The following VSX2 variants were observed in gnomAD, a reference collection of about 807,000 sequenced individuals.
VSX2 encodes visual system homeobox 2.
Under a neutral mutation model 32.1 loss-of-function variants are expected in VSX2, and 28 were observed. The ratio of observed to expected loss-of-function variants is 0.87; its 90% CI spans 0.65 to 1.20. The LOEUF is 1.20. Among genes scored for constraint, VSX2 ranks in the 50% most tolerant of loss-of-function variants. The pLI, the probability that VSX2 is intolerant of heterozygous loss-of-function variation, is 0.00. For missense variants in VSX2, 506 were observed against 488.7 expected (o/e 1.04, Z -0.33); for synonymous variants, 243 against 214.1 (o/e 1.14, Z -1.18).
At chr14:74,260,054 C>T (rs2079294528) in intron 4 of VSX2, among the ~76,000 whole-genome samples, 1 of 152,172 alleles carries the variant, frequency 6.6e-6, no homozygotes, top group Admixed American at 6.5e-5. Context: ...AACAGTGTGG[C>T]TGTTGGCCTG....
chr14:74,250,144 G>C (rs776186668), intron 3 of VSX2, among the ~76,000 whole-genome samples: 3 of 152,122 alleles, frequency 2.0e-5, no homozygotes, highest in Non-Finnish European at 2.9e-5. Context: ...GGCTGAGGTG[G>C]GAGGATTACT....
intron 2 of VSX2, among the ~76,000 whole-genome samples, chr14:74,242,285 A>G (rs1042896303): frequency 6.6e-6 from 1 of 150,954 alleles, no homozygotes; most frequent in Non-Finnish European, 1.5e-5. Flanking sequence ...CTTTCAAGAC[A>G]TTTCTCCACT....
chr14:74,244,260 T>TG (rs1193119604), intron 2 of VSX2, among the ~76,000 whole-genome samples: 2 of 152,164 alleles, frequency 1.3e-5, no homozygotes, highest in South Asian at 2.1e-4. Flanking sequence ...ACTGCTCTGT[T>TG]GGGGGTGGGG....
chr14:74,239,778 G>C lies in VSX2; in HGVS notation c.217G>C (p.Val73Leu). The C allele has an allele frequency of 1.9e-6, 3 of 1,558,250 alleles. No individual in the cohort carries two copies. The highest frequency in any genetic ancestry group is 2.6e-6 in the Non-Finnish European group (3 of 1,152,094). The stretch of plus-strand genomic sequence containing the variant: ...GCGCTCAGTGCTCAGCCCCGCGGGG[G>C]TGGGCGGCATGGGGCTTCTGGGGCC... The part of the protein sequence containing the change: ...AARSVLSPAG[V>L]GGMGLLGPGG... Residue 73 changes from valine to leucine, a missense_variant, in exon 1 of 5, where the codon GTG becomes CTG. Coordinates refer to ENST00000261980, the MANE Select transcript of VSX2 (RefSeq NM_182894.3).
chr14:74,241,695 C>T (rs2079151467), intron 2 of VSX2, among the ~76,000 whole-genome samples: 1 of 152,244 alleles, frequency 6.6e-6, no homozygotes, highest in Non-Finnish European at 1.5e-5. Flanking sequence ...CTCCCGGGGT[C>T]CCTGTCCTCT....
chr14:74,253,885 G>C (rs796197056), intron 3 of VSX2, among the ~76,000 whole-genome samples: 1 of 152,036 alleles, frequency 6.6e-6, no homozygotes, highest in East Asian at 1.9e-4. Context: ...AGCTGAGATC[G>C]CGCCATTGCA....
At chr14:74,251,876 C>A (rs996162513) in intron 3 of VSX2, among the ~76,000 whole-genome samples, 1 of 152,162 alleles carries the variant, frequency 6.6e-6, no homozygotes, top group Non-Finnish European at 1.5e-5. Flanking sequence ...CAGCTTCCAG[C>A]CAGAGGGGAA....
intron 3 of VSX2, among the ~76,000 whole-genome samples, chr14:74,254,780 G>A (rs1214515066): frequency 1.2e-5 from 1 of 82,832 alleles, no homozygotes; most frequent in Non-Finnish European, 2.2e-5. Flanking sequence ...ACCCCGAAAA[G>A]TGGATTTTTT....
rs190437121 is a variant in VSX2 at position 74,244,847 on chromosome 14, G to A, written c.456-318G>A. On this transcript the variant is annotated intron_variant, in intron 2 of 4. Coordinates refer to ENST00000261980, the MANE Select transcript of VSX2 (RefSeq NM_182894.3). Reference sequence around the variant, plus strand: ...CCTCAGCCTTGAGGAAGAAGAGTCCGGAGGGTTAAACTATGAGACAGAGAG... The same window carrying A: ...CCTCAGCCTTGAGGAAGAAGAGTCCAGAGGGTTAAACTATGAGACAGAGAG... Among the ~76,000 whole-genome samples the A allele has an allele frequency of 2.4e-4, 33 of 138,964 alleles. No individual in the cohort carries two copies. The East Asian group carries it at 2.6e-3, about 11-fold the overall frequency. 91.2% of individuals were successfully genotyped at this position (138,964 alleles called of 152,430 possible).
rs1372074105 is a variant in VSX2, at chr14:74,245,216, A to G, written c.507A>G (p.Glu169=). The G allele has an allele frequency of 2.5e-6, 4 of 1,613,504 alleles. No homozygotes were observed. The highest frequency in any genetic ancestry group is 3.4e-6 in the Non-Finnish European group (4 of 1,179,928). ...AGGAGCTGGAGAAGGCATTCAACGA[A>G]GCCCACTACCCAGACGTCTATGCCC... is the stretch of plus-strand genomic sequence containing the variant. ...QLEELEKAFN[E]AHYPDVYARE... The change falls in exon 3 of 5, where the codon GAA becomes GAG. Residue 169 remains glutamate (E), a synonymous_variant. Transcript: ENST00000261980.
chr14:74,261,013 G>T lies in VSX2; in HGVS notation c.*94G>T. 2 of 1,424,880 alleles carry T rather than the reference G, an allele frequency of 1.4e-6. No individual in the cohort carries two copies. The highest frequency in any genetic ancestry group is 1.9e-6 in the Non-Finnish European group (2 of 1,041,912). The allele number at this position is 1,424,880 out of a possible 1,614,324, so 88.3% of individuals were successfully genotyped here. ...GCTCTCTGAGGCAAGGCCCAGACCTGGCCTCTGCCATCCTCCCTGTTCCCC... is the reference window on the plus strand; with the variant it reads ...GCTCTCTGAGGCAAGGCCCAGACCTTGCCTCTGCCATCCTCCCTGTTCCCC... On this transcript the variant is annotated 3_prime_UTR_variant, in exon 5 of 5. Transcript: ENST00000261980.
chr14:74,248,333 C>T (rs1389157337), intron 3 of VSX2, among the ~76,000 whole-genome samples: 2 of 31,914 alleles, frequency 6.3e-5, no homozygotes, highest in Non-Finnish European at 1.6e-4. Flanking sequence ...TGAGACCAGG[C>T]TAAAAAAAAA....
intron 3 of VSX2, among the ~76,000 whole-genome samples, chr14:74,257,450 G>C (rs1027423930): frequency 1.3e-5 from 2 of 152,230 alleles, no homozygotes; most frequent in Non-Finnish European, 2.9e-5. Context: ...GGGAGAGGCC[G>C]GGGGCATCTA....
At chr14:74,242,426 C>A (rs117447114) in intron 2 of VSX2, among the ~76,000 whole-genome samples, 1 of 152,154 alleles carries the variant, frequency 6.6e-6, no homozygotes, top group Non-Finnish European at 1.5e-5. Flanking sequence ...CACTGTTGAC[C>A]GCCACCTTTT....
At chr14:74,246,884 G>A (rs1157657700) in intron 3 of VSX2, among the ~76,000 whole-genome samples, 3 of 152,084 alleles carry the variant, frequency 2.0e-5, no homozygotes, top group Admixed American at 1.3e-4. Context: ...TTTGGGGGCA[G>A]GCTCTCCCTC....
At chr14:74,244,617 G>C (rs921139412) in intron 2 of VSX2, among the ~76,000 whole-genome samples, 7 of 152,182 alleles carry the variant, frequency 4.6e-5, no homozygotes, top group Non-Finnish European at 1.0e-4. Flanking sequence ...CAGGAAGCTG[G>C]TCTGGGTGGA....
In VSX2 at chr14:74,261,696, G is replaced by A. The variant is rs1489896974; in HGVS notation, c.*777G>A. 6.6e-6 allele frequency: 1 copy of A among 152,598 alleles called. No individual in the cohort carries two copies. The highest frequency in any genetic ancestry group is 1.5e-5 in the Non-Finnish European group (1 of 68,348). The allele number at this position is 152,598 out of a possible 1,614,324, so 9.5% of individuals were successfully genotyped here. A position where few individuals can be genotyped will look rare whatever the true frequency, so the allele number is the denominator to read the frequency against. On this transcript the variant is annotated 3_prime_UTR_variant, in exon 5 of 5. Transcript: ENST00000261980. ...TGTGGTGATGTACGCTGCGTGCCAT[G>A]AGTCCATGTCCTATGCCTCACAAAT... is the stretch of plus-strand genomic sequence containing the variant.
rs1294745187 is a variant in VSX2, at chr14:74,259,604, C to T, written c.582C>T (p.Val194=). Reference sequence around the variant, plus strand: ...TGACCTGTTCTGTGCACCTGCAGGTCTGGTTCCAGAACCGTCGAGCCAAGT... The same window carrying T: ...TGACCTGTTCTGTGCACCTGCAGGTTTGGTTCCAGAACCGTCGAGCCAAGT... ...KTELPEDRIQ[V]WFQNRRAKWR... The change falls in exon 4 of 5, where the codon GTC becomes GTT. Residue 194 remains valine, a splice_region_variant and synonymous_variant. Transcript: ENST00000261980. 2 of 1,614,078 alleles carry T rather than the reference C, an allele frequency of 1.2e-6. No individual in the cohort carries two copies. The highest frequency in any genetic ancestry group is 4.5e-5 in the East Asian group (2 of 44,888).
chr14:74,248,360 A>AAAAAAAAAAAAAAAG (rs2079207802), intron 3 of VSX2, among the ~76,000 whole-genome samples: 1 of 117,506 alleles, frequency 8.5e-6, no homozygotes. Flanking sequence ...AACAAAAAAA[A>AAAAAAAAAAAAAAAG]CCAAAAACGA....
Sources: gnomAD v4.1 joint callset for allele counts (sites outside exome capture counted in the v4.1 genomes callset) on GRCh38, gnomAD v4.1.1 for gene constraint, MANE v1.5 for transcripts, NCBI Gene and HGNC (gene_info 2026-07-23, HGNC 2026-07-21) for gene names.